The following XG variants were observed in gnomAD, a reference collection of about 807,000 sequenced individuals.
XG encodes glycoprotein Xg.
A neutral mutation model predicts 25.7 loss-of-function variants in XG; 24 were observed. That is an observed-to-expected ratio of 0.93 (90% CI 0.68 to 1.31). The LOEUF (loss-of-function observed/expected upper bound fraction) is 1.31. Ranked by LOEUF, XG falls within the 40% of genes most tolerant of loss-of-function variation. The pLI is 0.00. For synonymous variants in XG, 77 were observed against 69.2 expected (o/e 1.11, Z -0.56); for missense variants, 181 against 187.6 (o/e 0.96, Z 0.21).
chrX:2,752,440 A>G, intron 1 of XG, 105 bp downstream of exon 1: 2 of 1,475,340 alleles, frequency 1.4e-6, no homozygotes, highest in East Asian at 2.3e-5. Context: ...GAATGGGGAT[A>G]ATTTGCCCAA....
intron 1 of XG, among the ~76,000 whole-genome samples, chrX:2,752,589 C>T (rs2050358427): frequency 6.6e-6 from 1 of 152,122 alleles, no homozygotes; most frequent in African/African-American, 2.4e-5. Context: ...GCCATATTTT[C>T]CTGTTTTGAT....
At chrX:2,773,490 G>GGAGA (rs1569461927) in intron 2 of XG, among the ~76,000 whole-genome samples, 51 of 137,554 alleles carry the variant, frequency 3.7e-4, no homozygotes, top group African/African-American at 1.4e-3. Context: ...AGGGAAGGAA[G>GGAGA]GAAGGAAGGA....
At chrX:2,760,787 G>T (rs1255391964) in intron 1 of XG, among the ~76,000 whole-genome samples, 1 of 150,420 alleles carries the variant, frequency 6.6e-6, no homozygotes, top group Non-Finnish European at 1.5e-5. Context: ...AGGTCACTAG[G>T]TTGGGCCCTG....
intron 4 of XG, among the ~76,000 whole-genome samples, chrX:2,785,020 A>G (rs1361343258): frequency 8.9e-6 from 1 of 112,167 alleles, no homozygotes; most frequent in Non-Finnish European, 1.9e-5. Flanking sequence ...TTGGTTTTAC[A>G]CATTTTAGGG....
intron 2 of XG, among the ~76,000 whole-genome samples, chrX:2,773,326 GGAAA>G (rs1449728191): frequency 2.8e-5 from 4 of 142,274 alleles, no homozygotes; most frequent in Non-Finnish European, 6.1e-5. Flanking sequence ...GAGGGGGGAA[GGAAA>G]GAAAGAAAAA....
chrX:2,790,108 C>T lies in XG; in HGVS notation c.253+402C>T, dbSNP rs192758558. On this transcript the variant is annotated intron_variant, in intron 5 of 10. Transcript: ENST00000644266. ...GTTGTTCAGGCTATTCTTGAACTCC[C>T]GGCCTCAAGCAATCCTCTGCCTCAG... Among the ~76,000 whole-genome samples the T allele has an allele frequency of 3.7e-3, 414 of 111,411 alleles. 2 individuals are homozygous for T. The highest frequency in any genetic ancestry group is 0.013 in the African/African-American group (392 of 30,696).
chrX:2,775,368 G>A (rs1217883610), intron 3 of XG, among the ~76,000 whole-genome samples: 3 of 152,148 alleles, frequency 2.0e-5, no homozygotes, highest in African/African-American at 7.2e-5. Context: ...AGAGAAAGAA[G>A]CCAGACACAA....
Position 2,772,872 on chromosome X carries a change from C to G in XG, c.104-1844C>G, listed in dbSNP as rs866948479. Among the ~76,000 whole-genome samples the G allele has an allele frequency of 3.3e-5, 5 of 152,194 alleles. 1 individual carries two copies. The highest frequency in any genetic ancestry group is 6.5e-5 in the Admixed American group (1 of 15,274). On this transcript the variant is annotated intron_variant, in intron 2 of 10. Coordinates refer to ENST00000644266, the MANE Select transcript of XG (RefSeq NM_001141919.2). ...CCCCCATGAATGGGCAGGCATGTGCCTGTTCATCCACAGCCCTTCCTCATG... is the reference window on the plus strand; with the variant it reads ...CCCCCATGAATGGGCAGGCATGTGCGTGTTCATCCACAGCCCTTCCTCATG...
At chrX:2,767,144 G>C (rs1487586432) in intron 1 of XG, among the ~76,000 whole-genome samples, 1 of 152,084 alleles carries the variant, frequency 6.6e-6, no homozygotes, top group African/African-American at 2.4e-5. Context: ...TCAACATAAA[G>C]AATTTGGGTG....
intron 4 of XG, among the ~76,000 whole-genome samples, chrX:2,786,642 C>T (rs772646565): frequency 9.0e-6 from 1 of 111,080 alleles, no homozygotes; most frequent in East Asian, 2.8e-4. Context: ...AATTATGTCT[C>T]CCCGCAAATT....
intron 6 of XG, among the ~76,000 whole-genome samples, chrX:2,794,814 G>T (rs1217496101): frequency 3.6e-5 from 4 of 112,044 alleles, no homozygotes; most frequent in South Asian, 7.4e-4. Flanking sequence ...CAGGCTGGGG[G>T]ACTGGATGGA....
At chrX:2,794,667 C>A (rs2086867973) in intron 6 of XG, 64 bp downstream of exon 6, 2 of 1,141,165 alleles carry the variant, frequency 1.8e-6, no homozygotes, top group Non-Finnish European at 2.4e-6. Context: ...GGATGAGAGG[C>A]CTGAAGTTGG....
intron 3 of XG, chrX:2,775,011 G>A (rs1474823172): frequency 2.3e-5 from 12 of 524,792 alleles, no homozygotes; most frequent in Non-Finnish European, 3.5e-6. Flanking sequence ...TGGAATGTTT[G>A]TACAGTGCTG....
chrX:2,771,719 G>A (rs1003242379), intron 2 of XG, among the ~76,000 whole-genome samples: 4 of 152,172 alleles, frequency 2.6e-5, no homozygotes, highest in African/African-American at 9.7e-5. Flanking sequence ...TTACATAATG[G>A]TGTTTGTTGG....
At chrX:2,775,618 A>C (rs149312235) in intron 3 of XG, among the ~76,000 whole-genome samples, 6,588 of 152,266 alleles carry the variant, frequency 0.043, 464 homozygotes, top group African/African-American at 0.15. Context: ...ATGGTTAATT[A>C]TATGTAAATT....
chrX:2,774,789 T>C, intron 3 of XG, 50 bp downstream of exon 3: 2 of 1,610,354 alleles, frequency 1.2e-6, no homozygotes, highest in Non-Finnish European at 8.5e-7. Context: ...CTTGAACTGA[T>C]GCTTACGGAG....
intron 4 of XG, among the ~76,000 whole-genome samples, chrX:2,788,680 T>G (rs901042240): frequency 9.2e-6 from 1 of 109,206 alleles, no homozygotes; most frequent in African/African-American, 3.3e-5. Flanking sequence ...CATAGTGAAA[T>G]CCCATCTCTA....
intron 1 of XG, among the ~76,000 whole-genome samples, chrX:2,758,019 G>A (rs900335460): frequency 2.5e-4 from 37 of 146,504 alleles, no homozygotes; most frequent in South Asian, 4.3e-4. Context: ...TATGATGATC[G>A]CCTAAGGTGA....
At position 2,816,284 on chromosome X, in the gene XG, T is replaced by A. The variant is rs1489238026; in HGVS notation, c.*1904T>A. 1 of 111,823 alleles carries A rather than the reference T, an allele frequency of 8.9e-6. No individual in the cohort carries two copies. Among genetic ancestry groups the A allele is most frequent in the African/African-American group, 3.2e-5 (1 of 30,785 alleles). 9.2% of individuals were successfully genotyped at this position (111,823 alleles called of 1,213,427 possible). A position where few individuals can be genotyped will look rare whatever the true frequency, so the allele number is the denominator to read the frequency against. ...TGAGAAAAGCCTTGATAAAACGTCA[T>A]CTCCATGTAATTTAGAGAAGGATAA... On this transcript the variant is annotated 3_prime_UTR_variant, in exon 11 of 11. Coordinates refer to ENST00000644266, the MANE Select transcript of XG (RefSeq NM_001141919.2).
Sources: allele counts gnomAD v4.1 joint callset (sites outside exome capture counted in the v4.1 genomes callset), GRCh38; gene constraint gnomAD v4.1.1; transcripts MANE v1.5; gene names NCBI Gene and HGNC (gene_info 2026-07-23, HGNC 2026-07-21).